Variants in LINGO2 observed in about 807,000 individuals in gnomAD.
The protein encoded by LINGO2 is leucine rich repeat and Ig domain containing 2.
A neutral mutation model predicts 30.6 loss-of-function variants in LINGO2; 14 were observed. That is an observed-to-expected ratio of 0.46 (90% CI 0.30 to 0.72). The LOEUF (loss-of-function observed/expected upper bound fraction) is 0.72, where lower values mean the gene tolerates loss of function less well. Ranked by LOEUF, LINGO2 falls within the 30% of genes least tolerant of loss-of-function variation. LINGO2 has a pLI of 0.07. For synonymous variants in LINGO2, 317 were observed against 288.5 expected, an observed-to-expected ratio of 1.10 and a Z score of -1.00; for missense variants, 729 against 751.7, an observed-to-expected ratio of 0.97 and a Z score of 0.35.
intron 3 of LINGO2, among the ~76,000 whole-genome samples, chr9:28,319,126 T>A (rs1446147473): frequency 8.2e-6 from 1 of 122,076 alleles, no homozygotes; most frequent in Non-Finnish European, 1.8e-5. Flanking sequence ...AGAAGAGAAA[T>A]AAACATTTAA....
the LINGO2 span, among the ~76,000 whole-genome samples, chr9:29,179,158 A>AATATAT: frequency 2.2e-3 from 220 of 101,604 alleles, 3 homozygotes; most frequent in African/African-American, 7.7e-3. Flanking sequence ...TCTTACTGTA[A>AATATAT]ATATATATAT....
intron 4 of LINGO2, among the ~76,000 whole-genome samples, chr9:28,286,842 G>T (rs1218932479): frequency 1.3e-5 from 2 of 152,058 alleles, no homozygotes; most frequent in African/African-American, 4.8e-5. Flanking sequence ...AGAGGATCAG[G>T]AAAAACAACT....
At chr9:29,150,095 G>A in the LINGO2 span, among the ~76,000 whole-genome samples, 1 of 152,158 alleles carries the variant, frequency 6.6e-6, no homozygotes, top group African/African-American at 2.4e-5. Flanking sequence ...TGCTGAGTAG[G>A]AGCCCGTGTG....
rs1022728454 is a variant in LINGO2, at chr9:28,285,750, C to A, written c.-87+9458G>T. Among the ~76,000 whole-genome samples the A allele has an allele frequency of 5.9e-5, 9 of 152,038 alleles. No homozygotes were observed. The East Asian group carries it at 1.7e-3, about 29-fold the overall frequency. On this transcript the variant is annotated intron_variant, in intron 4 of 5. Transcript: ENST00000379992. The stretch of plus-strand genomic sequence containing the variant: ...GTCAGAGCTATGATTCAAACCCAGG[C>A]CTTACTTAAAGTCAGATAAACTTGA...
At chr9:29,019,795 C>A in the LINGO2 span, among the ~76,000 whole-genome samples, 1 of 152,112 alleles carries the variant, frequency 6.6e-6, no homozygotes, top group East Asian at 1.9e-4. Flanking sequence ...AGACATATTT[C>A]TATGCATTGA....
At chr9:28,203,403 G>C (rs937303378) in intron 4 of LINGO2, among the ~76,000 whole-genome samples, 1 of 152,186 alleles carries the variant, frequency 6.6e-6, no homozygotes, top group Admixed American at 6.5e-5. Flanking sequence ...TAGCTGCAGT[G>C]CCTCCTCTTA....
At chr9:28,709,739 T>A in the LINGO2 span, among the ~76,000 whole-genome samples, 1 of 151,860 alleles carries the variant, frequency 6.6e-6, no homozygotes, top group African/African-American at 2.4e-5. Context: ...AAATTATATA[T>A]GTATACTAAT....
At chr9:28,597,116 G>A (rs1355472108) in intron 1 of LINGO2, among the ~76,000 whole-genome samples, 2 of 152,164 alleles carry the variant, frequency 1.3e-5, no homozygotes, top group Admixed American at 6.5e-5. Flanking sequence ...ACAGTAGAGA[G>A]GTTGACATAA....
intron 1 of LINGO2, among the ~76,000 whole-genome samples, chr9:28,600,284 G>C (rs2135742865): frequency 6.6e-6 from 1 of 152,144 alleles, no homozygotes; most frequent in African/African-American, 2.4e-5. Context: ...CAGTAATGAG[G>C]ACAAAGTCAG....
chr9:28,266,541 T>C lies in LINGO2; in HGVS notation c.-87+28667A>G, dbSNP rs150554426. 3.1e-3 allele frequency among the ~76,000 whole-genome samples: 475 copies of C among 152,082 alleles called. 1 individual carries two copies. The highest frequency in any genetic ancestry group is 5.6e-3 in the Non-Finnish European group (377 of 67,918). ...CAATTTCAAATCAGTTAACAGAAAA[T>C]TGACAAGAGAAGAATTTGCCTTCTT... On this transcript the variant is annotated intron_variant, in intron 4 of 5. Coordinates refer to ENST00000379992, the Ensembl canonical transcript of LINGO2.
intron 1 of LINGO2, among the ~76,000 whole-genome samples, chr9:28,650,789 G>A (rs1828061554): frequency 6.6e-6 from 1 of 152,154 alleles, no homozygotes; most frequent in South Asian, 2.1e-4. Context: ...TATCCATAGT[G>A]ATCACTGTCA....
chr9:28,688,832 C>T, the LINGO2 span, among the ~76,000 whole-genome samples: 2 of 152,132 alleles, frequency 1.3e-5, no homozygotes, highest in Non-Finnish European at 2.9e-5. Flanking sequence ...TTCATTATTA[C>T]TATACAGATA....
the LINGO2 span, among the ~76,000 whole-genome samples, chr9:28,813,735 T>C: frequency 6.6e-6 from 1 of 152,144 alleles, no homozygotes. Context: ...GAAGGTAAGG[T>C]ACAAGTATAA....
At chr9:28,675,950 C>G in the LINGO2 span, among the ~76,000 whole-genome samples, 7 of 144,448 alleles carry the variant, frequency 4.8e-5, no homozygotes, top group Admixed American at 2.1e-4. Flanking sequence ...CACACACACA[C>G]AGATATATAT....
At chr9:28,100,901 C>A (rs545438954) in intron 4 of LINGO2, among the ~76,000 whole-genome samples, 2 of 152,030 alleles carry the variant, frequency 1.3e-5, no homozygotes, top group Admixed American at 6.6e-5. Flanking sequence ...TCGCCACCCA[C>A]GAAAACTACA....
At chr9:28,531,323 G>T (rs991749396) in intron 1 of LINGO2, among the ~76,000 whole-genome samples, 5 of 151,878 alleles carry the variant, frequency 3.3e-5, no homozygotes, top group African/African-American at 1.2e-4. Context: ...AATCTCGGGA[G>T]CATTAAGGCA....
the LINGO2 span, among the ~76,000 whole-genome samples, chr9:29,041,803 T>A: frequency 6.6e-6 from 1 of 151,978 alleles, no homozygotes; most frequent in Non-Finnish European, 1.5e-5. Context: ...GATAAGTAGA[T>A]CTTATCAAAA....
intron 4 of LINGO2, among the ~76,000 whole-genome samples, chr9:28,236,645 C>T (rs537442956): frequency 7.2e-5 from 11 of 152,106 alleles, no homozygotes; most frequent in Non-Finnish European, 1.3e-4. Flanking sequence ...AAATAAACAT[C>T]ACATATTCTC....
chr9:28,549,110 T>A (rs1427098778), intron 1 of LINGO2, among the ~76,000 whole-genome samples: 2 of 152,120 alleles, frequency 1.3e-5, no homozygotes, highest in Non-Finnish European at 2.9e-5. Flanking sequence ...ATAAAACCAT[T>A]ATTTTCTCTC....
Sources: gnomAD v4.1 joint callset for allele counts (sites outside exome capture counted in the v4.1 genomes callset) on GRCh38, gnomAD v4.1.1 for gene constraint, MANE v1.5 for transcripts, NCBI Gene and HGNC (gene_info 2026-07-23, HGNC 2026-07-21) for gene names.